AGMO: variants seen among roughly 807,000 people sequenced by gnomAD.
AGMO encodes glyceryl-ether monooxygenase.
In AGMO, 75 loss-of-function variants were observed where a neutral mutation model predicts 60.2. That is an observed-to-expected ratio of 1.25 (90% CI 1.03 to 1.51). The LOEUF is 1.51. Ranked by LOEUF, AGMO falls within the 40% of genes most tolerant of loss-of-function variation. The pLI, the probability that AGMO is intolerant of heterozygous loss-of-function variation, is 0.00. For synonymous variants in AGMO, 261 were observed against 177.1 expected (o/e 1.47, Z -3.76); for missense variants, 763 against 525.5 (o/e 1.45, Z -4.42).
chr7:15,483,570 A>AAAACAAAC (rs3076838), intron 3 of AGMO, among the ~76,000 whole-genome samples: 3 of 148,772 alleles, frequency 2.0e-5, no homozygotes, highest in African/African-American at 7.3e-5. Flanking sequence ...ACTCTGTCTC[A>AAAACAAAC]AAACAAACAA....
intron 12 of AGMO, among the ~76,000 whole-genome samples, chr7:15,332,974 C>G (rs1402828149): frequency 1.3e-5 from 2 of 152,102 alleles, no homozygotes; most frequent in African/African-American, 2.4e-5. Context: ...GTGCTTCTCC[C>G]TGCCTTAATT....
At chr7:15,148,782 T>A in the AGMO span, among the ~76,000 whole-genome samples, 1 of 152,176 alleles carries the variant, frequency 6.6e-6, no homozygotes, top group Non-Finnish European at 1.5e-5. Context: ...AGGATTAACA[T>A]AGAAGTGCAT....
chr7:15,369,987 G>A (rs1783137669), intron 10 of AGMO, among the ~76,000 whole-genome samples: 1 of 151,996 alleles, frequency 6.6e-6, no homozygotes, highest in African/African-American at 2.4e-5. Flanking sequence ...GCTGAGGTTT[G>A]AGATAGGAAT....
chr7:15,295,767 AAACTT>A (rs1363960217), intron 12 of AGMO, among the ~76,000 whole-genome samples: 2 of 152,146 alleles, frequency 1.3e-5, no homozygotes, highest in African/African-American at 2.4e-5. Flanking sequence ...CCAATTCTAG[AAACTT>A]AACTGAAGTA....
chr7:15,269,692 C>G (rs927293464), intron 12 of AGMO, among the ~76,000 whole-genome samples: 2 of 152,008 alleles, frequency 1.3e-5, no homozygotes, highest in Admixed American at 6.6e-5. Flanking sequence ...GATTGGGCTT[C>G]TAGTGTATCC....
chr7:15,267,427 A>C (rs982410359), intron 12 of AGMO, among the ~76,000 whole-genome samples: 10 of 152,038 alleles, frequency 6.6e-5, no homozygotes, highest in Non-Finnish European at 1.3e-4. Context: ...ATAATCTTTA[A>C]AGGCAAAAAT....
At chr7:15,245,797 G>A (rs181987659) in intron 12 of AGMO, among the ~76,000 whole-genome samples, 3 of 152,208 alleles carry the variant, frequency 2.0e-5, no homozygotes, top group Admixed American at 1.3e-4. Flanking sequence ...ACAAATGCTT[G>A]GATTTTCCTC....
At chr7:15,553,293 C>T (rs1267903370) in intron 2 of AGMO, among the ~76,000 whole-genome samples, 1 of 150,330 alleles carries the variant, frequency 6.7e-6, no homozygotes, top group African/African-American at 2.5e-5. Flanking sequence ...GCGCAATGTG[C>T]ACATGTACCC....
intron 10 of AGMO, among the ~76,000 whole-genome samples, chr7:15,385,001 G>A (rs1300548063): frequency 4.0e-5 from 6 of 151,798 alleles, no homozygotes; most frequent in Admixed American, 1.3e-4. Context: ...GGAATATTCT[G>A]AATGTTTCAG....
intron 12 of AGMO, among the ~76,000 whole-genome samples, chr7:15,322,800 A>T (rs1261460387): frequency 7.1e-6 from 1 of 140,640 alleles, no homozygotes; most frequent in Non-Finnish European, 1.5e-5. Flanking sequence ...GATACAGGAA[A>T]AAATATGTAT....
chr7:15,325,303 C>T (rs1781301645), intron 12 of AGMO, among the ~76,000 whole-genome samples: 1 of 152,058 alleles, frequency 6.6e-6, no homozygotes, highest in Non-Finnish European at 1.5e-5. Flanking sequence ...CAAATATGTA[C>T]TTTCACACAT....
chr7:15,289,009 C>T (rs1784181472), intron 12 of AGMO, among the ~76,000 whole-genome samples: 1 of 151,804 alleles, frequency 6.6e-6, no homozygotes, highest in African/African-American at 2.4e-5. Context: ...TATTACCTGA[C>T]ATTTTTGGCT....
chr7:15,477,437 A>T (rs953113700), intron 3 of AGMO, among the ~76,000 whole-genome samples: 2 of 152,118 alleles, frequency 1.3e-5, no homozygotes, highest in Non-Finnish European at 2.9e-5. Flanking sequence ...AAATACATTC[A>T]ACAAAGCAGC....
At chr7:15,206,093 C>G (rs1208470531) in intron 12 of AGMO, among the ~76,000 whole-genome samples, 1 of 151,754 alleles carries the variant, frequency 6.6e-6, no homozygotes, top group Non-Finnish European at 1.5e-5. Flanking sequence ...AGATAAGAAC[C>G]CAAAGAGAGA....
chr7:15,385,084 A>ATTCCCTAT (rs1783860559), intron 10 of AGMO, among the ~76,000 whole-genome samples: 1 of 152,190 alleles, frequency 6.6e-6, no homozygotes, highest in Non-Finnish European at 1.5e-5. Context: ...CTCTAAGTGA[A>ATTCCCTAT]GGTAAGTATG....
intron 12 of AGMO, among the ~76,000 whole-genome samples, chr7:15,234,872 A>T (rs1349141466): frequency 6.6e-6 from 1 of 152,160 alleles, no homozygotes; most frequent in East Asian, 1.9e-4. Context: ...GCTTGTGTGC[A>T]GTACAAAAAC....
At chr7:15,147,328 C>T in the AGMO span, among the ~76,000 whole-genome samples, 1 of 152,132 alleles carries the variant, frequency 6.6e-6, no homozygotes. Context: ...GTTAAGTCCA[C>T]AGTTCTAGAT....
chr7:15,544,395 AC>A (rs1784716691), intron 3 of AGMO, among the ~76,000 whole-genome samples: 1 of 152,046 alleles, frequency 6.6e-6, no homozygotes, highest in Non-Finnish European at 1.5e-5. Context: ...AAACAAAAAA[AC>A]CTTTTATCCC....
At chr7:15,322,505 AATAT>A (rs1255007739) in intron 12 of AGMO, among the ~76,000 whole-genome samples, 6 of 52,610 alleles carry the variant, frequency 1.1e-4, no homozygotes, top group Middle Eastern at 9.1e-3. Context: ...TAAATATATA[AATAT>A]ATATATAAAT....
Sources: gnomAD v4.1 joint callset for allele counts (sites outside exome capture counted in the v4.1 genomes callset) on GRCh38, gnomAD v4.1.1 for gene constraint, MANE v1.5 for transcripts, NCBI Gene and HGNC (gene_info 2026-07-23, HGNC 2026-07-21) for gene names.